Variants in BCAS3 observed in about 807,000 individuals in gnomAD.
The protein encoded by BCAS3 is BCAS3 microtubule associated cell migration factor.
BCAS3 carries 53 observed loss-of-function variants against 116.1 expected under a neutral mutation model. That is an observed-to-expected ratio of 0.46 (90% CI 0.37 to 0.57). The LOEUF is 0.57. BCAS3 is among the 20% of genes least tolerant of loss of function. The pLI is 0.00. For synonymous variants in BCAS3, 391 were observed against 408.2 expected, an observed-to-expected ratio of 0.96 and a Z score of 0.51; for missense variants, 917 against 1,165.4, an observed-to-expected ratio of 0.79 and a Z score of 3.10.
intron 22 of BCAS3, among the ~76,000 whole-genome samples, chr17:61,305,697 A>G (rs1484562380): frequency 1.3e-5 from 2 of 152,118 alleles, no homozygotes; most frequent in East Asian, 3.9e-4. Context: ...GGAGTTTGAG[A>G]GCAGCCTGGG....
Position 61,015,751 on chromosome 17 carries a change from G to C in BCAS3, c.1487G>C (p.Gly496Ala). The change falls in exon 16 of 24, where the codon GGG becomes GCG. Residue 496 changes from glycine (G) to alanine (A), a missense_variant and splice_region_variant. Gly to Ala is a moderately conservative substitution (Grantham distance 60, BLOSUM62 0). Around this residue, in one of 3 missense-constraint regions of BCAS3, gnomAD observed 807 missense variants for 1,026.0 expected, o/e 0.79. Coordinates refer to ENST00000407086, the MANE Select transcript of BCAS3 (RefSeq NM_017679.5). ...SSSPSGSPLH[G>A]KLNSQDSYNN... is the part of the protein sequence containing the mutation. ...CTTTTCTTTATTTTTCTCTTTGTAG[G>C]GAAACTGAACAGCCAAGACTCCTAT... The C allele has an allele frequency of 6.2e-7, 1 of 1,613,736 alleles. No homozygotes were observed. Among genetic ancestry groups the C allele is most frequent in the Non-Finnish European group, 8.5e-7 (1 of 1,179,816 alleles).
intron 13 of BCAS3, among the ~76,000 whole-genome samples, chr17:60,926,475 T>G (rs2145166924): frequency 6.6e-6 from 1 of 152,316 alleles, no homozygotes; most frequent in Non-Finnish European, 1.5e-5. Flanking sequence ...CCCTCTAATA[T>G]CTTAATAAGT....
rs1187389846 is a variant in BCAS3 at position 61,198,106 on chromosome 17, T to C, written c.2425+113542T>C. On this transcript the variant is annotated intron_variant, in intron 22 of 23. Coordinates refer to ENST00000407086, the MANE Select transcript of BCAS3 (RefSeq NM_017679.5). This position sits in a 1 kb window ranked among gnomAD's most constrained non-coding sequence, Gnocchi z 5.0. The stretch of plus-strand genomic sequence containing the variant: ...AGTACTTAGTGGATGTTTGCTGATA[T>C]GCGATTAAGATAAAGTGCAAGATAT... Among the ~76,000 whole-genome samples the C allele has an allele frequency of 1.3e-5, 2 of 151,948 alleles. No individual in the cohort carries two copies. The highest frequency in any genetic ancestry group is 2.4e-5 in the African/African-American group (1 of 41,378).
chr17:60,717,650 T>G (rs2038785602), intron 5 of BCAS3, among the ~76,000 whole-genome samples: 1 of 152,152 alleles, frequency 6.6e-6, no homozygotes, highest in Non-Finnish European at 1.5e-5. Flanking sequence ...TAAGGACATC[T>G]AAAATTTCAA....
chr17:61,059,332 T>A (rs185845713), intron 19 of BCAS3, among the ~76,000 whole-genome samples: 53 of 152,170 alleles, frequency 3.5e-4, no homozygotes, highest in Middle Eastern at 6.8e-3. Flanking sequence ...TCCGCCTGCC[T>A]TGGCCTCCCA....
intron 7 of BCAS3, among the ~76,000 whole-genome samples, chr17:60,828,651 G>A (rs192175823): frequency 3.3e-5 from 5 of 152,222 alleles, no homozygotes; most frequent in East Asian, 1.9e-4. Flanking sequence ...CATACATTGT[G>A]TATATGATTT....
rs574787645 is a variant in BCAS3 at position 61,203,489 on chromosome 17, C to A, written c.2425+118925C>A. ...AATTTTTATTTTGTCTTCCTGATTT[C>A]TGGGGGATAAGAGGGGAACCAAAAA... On this transcript the variant is annotated intron_variant, in intron 22 of 23. Transcript: ENST00000407086. This position sits in a 1 kb window ranked among gnomAD's most constrained non-coding sequence, Gnocchi z 5.7. Among the ~76,000 whole-genome samples, 3 of 152,130 alleles carry A rather than the reference C, an allele frequency of 2.0e-5. No individual in the cohort carries two copies. The East Asian group carries it at 5.8e-4, about 29-fold the overall frequency.
At chr17:60,713,842 G>C (rs562617161) in intron 5 of BCAS3, among the ~76,000 whole-genome samples, 3 of 152,196 alleles carry the variant, frequency 2.0e-5, no homozygotes, top group Admixed American at 6.5e-5. Context: ...TTTGTTTGTT[G>C]TTTGTTTTTG....
chr17:60,712,994 C>T (rs1266473180), intron 5 of BCAS3, among the ~76,000 whole-genome samples: 2 of 152,028 alleles, frequency 1.3e-5, no homozygotes, highest in Non-Finnish European at 2.9e-5. Flanking sequence ...TGTCATTTCT[C>T]GGTTTTCCAT....
chr17:61,124,935 A>G lies in BCAS3; in HGVS notation c.2425+40371A>G, dbSNP rs1483589843. On this transcript the variant is annotated intron_variant, in intron 22 of 23. Coordinates refer to ENST00000407086, the MANE Select transcript of BCAS3 (RefSeq NM_017679.5). The surrounding 1 kb of genome is among the most constrained non-coding windows in gnomAD (Gnocchi z 4.6). ...GGAAATAGATACAGGTGACAATGGCAAAGTGAGGAGTGGGGAGATGTAAGA... is the reference window on the plus strand; with the variant it reads ...GGAAATAGATACAGGTGACAATGGCGAAGTGAGGAGTGGGGAGATGTAAGA... Among the ~76,000 whole-genome samples, 1 of 152,208 alleles carries G rather than the reference A, an allele frequency of 6.6e-6. No individual in the cohort carries two copies. Among genetic ancestry groups the G allele is most frequent in the East Asian group, 1.9e-4 (1 of 5,198 alleles).
Position 61,077,569 on chromosome 17 carries a change from T to TC in BCAS3, c.2131-757dup, listed in dbSNP as rs1277643497. Among the ~76,000 whole-genome samples, 3 of 151,728 alleles carry TC rather than the reference T, an allele frequency of 2.0e-5. No individual in the cohort carries two copies. The highest frequency in any genetic ancestry group is 6.6e-5 in the Admixed American group (1 of 15,208). ...AATAAAATATTGGCAACATTCCCTATCCCCCCCATTGAGCGTGAAATTCAT... is the reference window on the plus strand; with the variant it reads ...AATAAAATATTGGCAACATTCCCTATCCCCCCCCATTGAGCGTGAAATTCAT... On this transcript the variant is annotated intron_variant, in intron 20 of 23. Transcript: ENST00000407086. The surrounding 1 kb of genome is among the most constrained non-coding windows in gnomAD (Gnocchi z 4.3).
chr17:61,368,236 G>C lies in BCAS3; in HGVS notation c.2426-91G>C. ...CTACAGGAAGGCTACAATGGACCCT[G>C]GGTATGGAGAGGAGCGGGTGGGAGG... On this transcript the variant is annotated intron_variant, in intron 22 of 23. Transcript: ENST00000407086. The surrounding 1 kb of genome is among the most constrained non-coding windows in gnomAD (Gnocchi z 6.0). 1 of 1,375,244 alleles carries C rather than the reference G, an allele frequency of 7.3e-7. No homozygotes were observed. Among genetic ancestry groups the C allele is most frequent in the South Asian group, 1.4e-5 (1 of 70,854 alleles). The allele number at this position is 1,375,244 out of a possible 1,614,324, so 85.2% of individuals were successfully genotyped here. A position where few individuals can be genotyped will look rare whatever the true frequency, so the allele number is the denominator to read the frequency against.
chr17:60,942,520 A>ATAGC (rs1460253137), intron 13 of BCAS3, among the ~76,000 whole-genome samples: 1 of 152,222 alleles, frequency 6.6e-6, no homozygotes, highest in Non-Finnish European at 1.5e-5. Context: ...CCTCATGATC[A>ATAGC]TAGCTAGACA....
Position 60,727,378 on chromosome 17 carries a change from C to T in BCAS3, c.321+18053C>T, listed in dbSNP as rs1335319487. On this transcript the variant is annotated intron_variant, in intron 5 of 23. Transcript: ENST00000407086. The stretch of plus-strand genomic sequence containing the variant: ...GCTTCCGATCATAGCGCCTCTTTCC[C>T]TGGGCATACAAGGAATCCTTGCTCT... 6.3e-6 allele frequency: 10 copies of T among 1,578,286 alleles called. No homozygotes were observed. In the Middle Eastern group the frequency reaches 5.0e-4, roughly 79 times the overall value.
intron 22 of BCAS3, among the ~76,000 whole-genome samples, chr17:61,154,123 C>T (rs752829529): frequency 1.4e-4 from 22 of 152,166 alleles, no homozygotes; most frequent in Non-Finnish European, 2.5e-4. Context: ...AGATATTTGT[C>T]GCACTGCCTT....
intron 11 of BCAS3, among the ~76,000 whole-genome samples, chr17:60,904,445 T>A (rs1177303497): frequency 2.0e-5 from 3 of 151,666 alleles, no homozygotes; most frequent in Non-Finnish European, 4.4e-5. Flanking sequence ...ACAAAAAAAA[T>A]GCAAACTCCC....
chr17:61,266,604 C>T lies in BCAS3; in HGVS notation c.2426-101723C>T, dbSNP rs186401860. ...GGAAAATTTTCCTGCCTAGTGTCCT[C>T]AGGGTTTACCAAGCTGACCTTACAT... On this transcript the variant is annotated intron_variant, in intron 22 of 23. Coordinates refer to ENST00000407086, the MANE Select transcript of BCAS3 (RefSeq NM_017679.5). 1.1e-4 allele frequency among the ~76,000 whole-genome samples: 17 copies of T among 152,288 alleles called. No individual in the cohort carries two copies. In the East Asian group the frequency reaches 2.9e-3, roughly 26 times the overall value.
In BCAS3 at chr17:61,128,579, T is replaced by G. The variant is rs985265429; in HGVS notation, c.2425+44015T>G. ...TGCTATACACAATCCCCAGCACTTA[T>G]AAAATAAAAAAAGTATGGAGAGAGA... On this transcript the variant is annotated intron_variant, in intron 22 of 23. Coordinates refer to ENST00000407086, the MANE Select transcript of BCAS3 (RefSeq NM_017679.5). The surrounding 1 kb of genome is among the most constrained non-coding windows in gnomAD (Gnocchi z 4.1). The G allele has an allele frequency of 1.0e-6, 1 of 985,274 alleles. No homozygotes were observed. Among genetic ancestry groups the G allele is most frequent in the Non-Finnish European group, 1.2e-6 (1 of 829,860 alleles). The allele number at this position is 985,274 out of a possible 1,614,324, so 61.0% of individuals were successfully genotyped here. A position where few individuals can be genotyped will look rare whatever the true frequency, so the allele number is the denominator to read the frequency against.
chr17:61,347,175 A>G lies in BCAS3; in HGVS notation c.2426-21152A>G, dbSNP rs1364955107. On this transcript the variant is annotated intron_variant, in intron 22 of 23. Transcript: ENST00000407086. This position sits in a 1 kb window ranked among gnomAD's most constrained non-coding sequence, Gnocchi z 4.3. Reference sequence around the variant, plus strand: ...CCGCAACCTCCACCTCCAGGGTTCAAGCGATTCTCCTGCCTCCCGCCTCAG... The same window carrying G: ...CCGCAACCTCCACCTCCAGGGTTCAGGCGATTCTCCTGCCTCCCGCCTCAG... Among the ~76,000 whole-genome samples, 3 of 152,160 alleles carry G rather than the reference A, an allele frequency of 2.0e-5. No individual in the cohort carries two copies. The highest frequency in any genetic ancestry group is 4.4e-5 in the Non-Finnish European group (3 of 68,028).
Sources: gnomAD v4.1 joint callset for allele counts (sites outside exome capture counted in the v4.1 genomes callset) on GRCh38, gnomAD v4.1.1 for gene constraint, gnomAD v4.1.1 regional missense constraint, Gnocchi (gnomAD v3.1) non-coding constraint, MANE v1.5 for transcripts, NCBI Gene and HGNC (gene_info 2026-07-23, HGNC 2026-07-21) for gene names.